The following EVC2 variants were observed in gnomAD, a reference collection of about 807,000 sequenced individuals.
EVC2 encodes limbin.
A neutral mutation model predicts 149.3 loss-of-function variants in EVC2; 148 were observed. The ratio of observed to expected loss-of-function variants is 0.99; its 90% CI spans 0.87 to 1.14. The LOEUF (loss-of-function observed/expected upper bound fraction) is 1.14, where lower values mean the gene tolerates loss of function less well. Among genes scored for constraint, EVC2 ranks in the 50% most tolerant of loss-of-function variants. The pLI is 0.00. For synonymous variants in EVC2, 776 were observed against 649.9 expected, an observed-to-expected ratio of 1.19 and a Z score of -2.95; for missense variants, 1,854 against 1,627.3, an observed-to-expected ratio of 1.14 and a Z score of -2.40.
At chr4:5,700,011 G>A (rs1174285955) in intron 1 of EVC2, among the ~76,000 whole-genome samples, 1 of 151,178 alleles carries the variant, frequency 6.6e-6, no homozygotes, top group Non-Finnish European at 1.5e-5. Flanking sequence ...CATGGTGGTG[G>A]GTGCCTGAAT....
intron 7 of EVC2, among the ~76,000 whole-genome samples, chr4:5,671,275 C>G (rs1428764000): frequency 1.3e-5 from 2 of 152,186 alleles, no homozygotes; most frequent in African/African-American, 4.8e-5. Context: ...GCTGCCTCTC[C>G]TAGGCTGGCC....
chr4:5,600,586 T>G (rs1713896761), intron 16 of EVC2, among the ~76,000 whole-genome samples: 1 of 152,126 alleles, frequency 6.6e-6, no homozygotes, highest in Non-Finnish European at 1.5e-5. Context: ...ATTTTGAAAG[T>G]TAGAAACTGG....
At chr4:5,551,643 G>A (rs1721741151) in intron 21 of EVC2, among the ~76,000 whole-genome samples, 1 of 152,164 alleles carries the variant, frequency 6.6e-6, no homozygotes, top group African/African-American at 2.4e-5. Context: ...CTTTTGGGAA[G>A]GCATGATTGA....
intron 15 of EVC2, among the ~76,000 whole-genome samples, chr4:5,617,785 G>A (rs75234388): frequency 0.045 from 6,822 of 152,210 alleles, 480 homozygotes; most frequent in African/African-American, 0.15. Context: ...CCCCAGAAGC[G>A]GAGCCTGAGG....
chr4:5,680,166 G>C (rs1720248417), intron 7 of EVC2, among the ~76,000 whole-genome samples: 1 of 152,098 alleles, frequency 6.6e-6, no homozygotes, highest in African/African-American at 2.4e-5. Context: ...ACCTGCCTGA[G>C]GCTGATTTAT....
chr4:5,618,559 A>C lies in EVC2; in HGVS notation c.2625T>G (p.Val875=). Residue 875 remains valine, a synonymous_variant, in exon 15 of 22, where the codon GTT becomes GTG. Coordinates refer to ENST00000344408, the MANE Select transcript of EVC2 (RefSeq NM_147127.5). The surrounding 1 kb of genome is among the most constrained non-coding windows in gnomAD (Gnocchi z 4.4). Reference sequence around the variant, plus strand: ...ACGCAGTCTGAAATTGCTGCAGCAGAACTCGGGCCCGGATCTTGGGGAGGG... The same window carrying C: ...ACGCAGTCTGAAATTGCTGCAGCAGCACTCGGGCCCGGATCTTGGGGAGGG... ...SLALPKIRAR[V]LLQQFQTAWR... is the part of the protein sequence containing the mutation. 4 of 1,614,166 alleles carry C rather than the reference A, an allele frequency of 2.5e-6. No homozygotes were observed. The African/African-American group carries it at 4.0e-5, about 16-fold the overall frequency.
At chr4:5,689,012 C>T in intron 5 of EVC2, 145 bp downstream of exon 5, 4 of 863,854 alleles carry the variant, frequency 4.6e-6, no homozygotes, top group Non-Finnish European at 5.4e-6. Flanking sequence ...TTTTTGATAC[C>T]CTGATAGTAA....
At position 5,567,630 on chromosome 4, in the gene EVC2, T is replaced by C. The variant is rs949002189; in HGVS notation, c.3557+814A>G. 6.6e-6 allele frequency among the ~76,000 whole-genome samples: 1 copy of C among 151,994 alleles called. No homozygotes were observed. The highest frequency in any genetic ancestry group is 2.1e-4 in the South Asian group (1 of 4,814). On this transcript the variant is annotated intron_variant, in intron 20 of 21. Transcript: ENST00000344408. This position sits in a 1 kb window ranked among gnomAD's most constrained non-coding sequence, Gnocchi z 4.4. ...GCCTTACTCCACACCCCTTCCTGCCTTTCCCCATAAAAAGCCTTTAATGAC... is the reference window on the plus strand; with the variant it reads ...GCCTTACTCCACACCCCTTCCTGCCCTTCCCCATAAAAAGCCTTTAATGAC...
intron 18 of EVC2, among the ~76,000 whole-genome samples, chr4:5,575,579 G>A (rs565413865): frequency 3.3e-5 from 5 of 152,168 alleles, no homozygotes; most frequent in African/African-American, 1.2e-4. Context: ...TCCAATTAGC[G>A]TGTGCGTGTG....
chr4:5,625,756 A>G lies in EVC2; in HGVS notation c.2039T>C (p.Leu680Pro), dbSNP rs148407223. The G allele has an allele frequency of 1.4e-4, 222 of 1,614,156 alleles. 1 individual carries two copies. In the Middle Eastern group the frequency reaches 2.0e-3, roughly 14 times the overall value. Residue 680 changes from leucine (L) to proline (P), a missense_variant, in exon 13 of 22, where the codon CTA becomes CCA. Coordinates refer to ENST00000344408, the MANE Select transcript of EVC2 (RefSeq NM_147127.5). The surrounding 1 kb of genome is among the most constrained non-coding windows in gnomAD (Gnocchi z 4.0). ...GCATCATGCCTTATATACCTTTTGT[A>G]GCAACTCTCGTCTTCTCTTAGTTAT... ...KLITKRRREL[L>P]QKHREQRREQ... is the part of the protein sequence containing the mutation.
At chr4:5,605,638 G>T (rs1322405046) in intron 16 of EVC2, among the ~76,000 whole-genome samples, 1 of 152,230 alleles carries the variant, frequency 6.6e-6, no homozygotes, top group Non-Finnish European at 1.5e-5. Flanking sequence ...GCAAGAGAAA[G>T]AAGGCACATT....
At chr4:5,658,136 C>T (rs992993920) in intron 9 of EVC2, among the ~76,000 whole-genome samples, 1 of 152,136 alleles carries the variant, frequency 6.6e-6, no homozygotes, top group Non-Finnish European at 1.5e-5. Flanking sequence ...GGACAAAAAC[C>T]AAGACTCTTA....
At chr4:5,697,203 G>T (rs1260699959) in intron 2 of EVC2, among the ~76,000 whole-genome samples, 1 of 152,228 alleles carries the variant, frequency 6.6e-6, no homozygotes, top group Non-Finnish European at 1.5e-5. Flanking sequence ...TTTGCCCAGT[G>T]AAACTGATGT....
chr4:5,665,473 T>A, intron 8 of EVC2, 42 bp downstream of exon 8: 1 of 1,613,374 alleles, frequency 6.2e-7, no homozygotes, highest in Non-Finnish European at 8.5e-7. Context: ...AACTTCAACC[T>A]CACATTCACC....
Position 5,612,718 on chromosome 4 carries a change from C to G in EVC2, c.2829+2704G>C, listed in dbSNP as rs182594777. Among the ~76,000 whole-genome samples the G allele has an allele frequency of 3.4e-3, 513 of 152,080 alleles. 2 individuals carry two copies. Among genetic ancestry groups the G allele is most frequent in the Non-Finnish European group, 5.8e-3 (396 of 67,956 alleles). On this transcript the variant is annotated intron_variant, in intron 16 of 21. Transcript: ENST00000344408. ...CGGGCGGATCACGAGGTCAGGAGATCCAGACCATCCTGGCTAATGCGGTGA... is the reference window on the plus strand; with the variant it reads ...CGGGCGGATCACGAGGTCAGGAGATGCAGACCATCCTGGCTAATGCGGTGA...
At chr4:5,674,556 G>C in intron 7 of EVC2, among the ~76,000 whole-genome samples, 1 of 152,156 alleles carries the variant, frequency 6.6e-6, no homozygotes, top group East Asian at 1.9e-4. Context: ...CCCCAGCCAA[G>C]GGCACAACTA....
the EVC2 span, among the ~76,000 whole-genome samples, chr4:5,533,445 G>C: frequency 6.6e-6 from 1 of 152,184 alleles, no homozygotes; most frequent in African/African-American, 2.4e-5. Context: ...GCAAGGAATG[G>C]GTCCAGTTGG....
intron 16 of EVC2, among the ~76,000 whole-genome samples, chr4:5,599,990 C>A (rs551399054): frequency 2.6e-4 from 39 of 152,262 alleles, no homozygotes; most frequent in African/African-American, 9.1e-4. Flanking sequence ...AATTTATATG[C>A]CTAGAAAGAT....
intron 19 of EVC2, 135 bp downstream of exon 19, chr4:5,574,550 G>A (rs370437006): frequency 9.9e-5 from 86 of 872,422 alleles, no homozygotes; most frequent in African/African-American, 3.5e-4. Flanking sequence ...CTAGAGCTTC[G>A]CACACATCTG....
Sources: gnomAD v4.1 joint callset for allele counts (sites outside exome capture counted in the v4.1 genomes callset) on GRCh38, gnomAD v4.1.1 for gene constraint, Gnocchi (gnomAD v3.1) non-coding constraint, MANE v1.5 for transcripts, NCBI Gene and HGNC (gene_info 2026-07-23, HGNC 2026-07-21) for gene names.